The following RBM12B variants were observed in gnomAD, a reference collection of about 807,000 sequenced individuals.
RBM12B encodes RNA-binding protein 12B.
A neutral mutation model predicts 34.3 loss-of-function variants in RBM12B; 10 were observed. That is an observed-to-expected ratio of 0.29 (90% CI 0.18 to 0.49). The LOEUF is 0.49. Ranked by LOEUF, RBM12B falls within the 20% of genes least tolerant of loss-of-function variation. The pLI is 0.99. For missense variants in RBM12B, 1,139 were observed against 1,262.7 expected, an observed-to-expected ratio of 0.90 and a Z score of 1.48; for synonymous variants, 477 against 437.1, an observed-to-expected ratio of 1.09 and a Z score of -1.14.
chr8:93,736,352 C>T lies in RBM12B; in HGVS notation c.59G>A (p.Arg20His), dbSNP rs759514559. The T allele has an allele frequency of 2.5e-5, 41 of 1,612,660 alleles. No homozygotes were observed. The highest frequency in any genetic ancestry group is 3.5e-5 in the Non-Finnish European group (41 of 1,179,796). The change falls in exon 4 of 4, where the codon CGT becomes CAT. Residue 20 changes from arginine to histidine, a missense_variant. Transcript: ENST00000520560. ...AATAGTCAATCCCGTGAAGAAGTGA[C>T]GAATATCCACAGGCCCCGCAATAAA... ...LPFIAGPVDI[R>H]HFFTGLTIPD...
rs771379502 is a variant in RBM12B, at chr8:93,733,888, C to T, written c.2523G>A (p.Glu841=). 5.0e-6 allele frequency: 8 copies of T among 1,613,722 alleles called. No individual in the cohort carries two copies. In the South Asian group the frequency reaches 5.5e-5, roughly 11 times the overall value. ...QEEDFRCPSD[E]DFRQLPEEDL... ...CTTCCTCTGGGAGCTGCCTGAAGTCCTCATCAGAAGGGCATCTAAAATCTT... is the reference window on the plus strand; with the variant it reads ...CTTCCTCTGGGAGCTGCCTGAAGTCTTCATCAGAAGGGCATCTAAAATCTT... Residue 841 remains glutamate (E), a synonymous_variant, in exon 4 of 4, where the codon GAG becomes GAA. Transcript: ENST00000520560.
At chr8:93,740,825 T>C in intron 1 of RBM12B, 56 bp downstream of exon 1, 1 of 327,804 alleles carries the variant, frequency 3.1e-6, no homozygotes, top group Non-Finnish European at 5.9e-6. Context: ...CGCCCAGCCC[T>C]CCCCACCCCC....
At chr8:93,740,072 T>C (rs1812147465) in intron 2 of RBM12B, 2 of 341,944 alleles carry the variant, frequency 5.8e-6, no homozygotes, top group African/African-American at 4.3e-5. Context: ...CCCAAGGTCA[T>C]GATGTAGCAT....
In RBM12B at chr8:93,728,517, A is replaced by G. The variant is rs1811649542; in HGVS notation, c.*4888T>C. On this transcript the variant is annotated 3_prime_UTR_variant, in exon 4 of 4. Coordinates refer to ENST00000520560, the MANE Select transcript of RBM12B (RefSeq NM_001377960.1). ...CCTAGTGTTACATGATTTTTGTGTA[A>G]GTGCCTTTTTTTTTAAAGATGGTGT... 1 of 376,072 alleles carries G rather than the reference A, an allele frequency of 2.7e-6. No homozygotes were observed. The highest frequency in any genetic ancestry group is 4.8e-6 in the Non-Finnish European group (1 of 209,542). The allele number at this position is 376,072 out of a possible 1,614,324, so 23.3% of individuals were successfully genotyped here.
At chr8:93,738,540 C>G (rs945698555) in intron 2 of RBM12B, among the ~76,000 whole-genome samples, 12 of 152,212 alleles carry the variant, frequency 7.9e-5, no homozygotes, top group Non-Finnish European at 1.3e-4. Context: ...TGGCTCACTA[C>G]AGCCTCGACT....
Position 93,736,225 on chromosome 8 carries a change from C to A in RBM12B, c.186G>T (p.Gly62=), listed in dbSNP as rs763512432. 1.9e-6 allele frequency: 3 copies of A among 1,614,168 alleles called. No homozygotes were observed. Among genetic ancestry groups the A allele is most frequent in the Non-Finnish European group, 2.5e-6 (3 of 1,180,026 alleles). ...GCTCTACAGATGAATCCTTGATAAACCCTCCTGAACGACTTATGGCACGTC... is the reference window on the plus strand; with the variant it reads ...GCTCTACAGATGAATCCTTGATAAAACCTCCTGAACGACTTATGGCACGTC... ...DARRAISRSG[G]FIKDSSVELF... Residue 62 remains glycine (G), a synonymous_variant, in exon 4 of 4, where the codon GGG becomes GGT. Coordinates refer to ENST00000520560, the MANE Select transcript of RBM12B (RefSeq NM_001377960.1).
chr8:93,739,797 A>T (rs1386237479), intron 2 of RBM12B, among the ~76,000 whole-genome samples: 2 of 152,264 alleles, frequency 1.3e-5, no homozygotes, highest in Non-Finnish European at 2.9e-5. Flanking sequence ...CACTTAAGTC[A>T]GTGAAATTTA....
At position 93,734,011 on chromosome 8, in the gene RBM12B, C is replaced by G; in HGVS notation, c.2400G>C (p.Glu800Asp). The G allele has an allele frequency of 6.2e-7, 1 of 1,609,322 alleles. No homozygotes were observed. The highest frequency in any genetic ancestry group is 1.3e-5 in the African/African-American group (1 of 74,410). ...PPQEHFRRSR[E>D]EDFRHPPDED... Reference sequence around the variant, plus strand: ...CATCTGGTGGGTGCCTGAAATCTTCCTCTCGGGAGCGCCTGAAATGCTCCT... The same window carrying G: ...CATCTGGTGGGTGCCTGAAATCTTCGTCTCGGGAGCGCCTGAAATGCTCCT... The change falls in exon 4 of 4, where the codon GAG becomes GAC. Residue 800 changes from glutamate (E) to aspartate (D), a missense_variant. Coordinates refer to ENST00000520560, the MANE Select transcript of RBM12B (RefSeq NM_001377960.1).
chr8:93,729,142 A>G lies in RBM12B; in HGVS notation c.*4263T>C, dbSNP rs190501784. ...TTTTGGTAAGGAATACTTTTATTTC[A>G]TGGATCCCAGGCAGGCATATAAAAG... On this transcript the variant is annotated 3_prime_UTR_variant, in exon 4 of 4. Transcript: ENST00000520560. 8 of 152,250 alleles carry G rather than the reference A, an allele frequency of 5.3e-5. No individual in the cohort carries two copies. In the East Asian group the frequency reaches 1.5e-3, roughly 29 times the overall value. The allele number at this position is 152,250 out of a possible 1,614,324, so 9.4% of individuals were successfully genotyped here.
rs113452822 is a variant in RBM12B, at chr8:93,730,204, C to T, written c.*3201G>A. The T allele has an allele frequency of 0.013, 2,010 of 152,240 alleles. 12 individuals are homozygous for T. Among genetic ancestry groups the T allele is most frequent in the Non-Finnish European group, 0.019 (1,307 of 68,020 alleles). 9.4% of individuals were successfully genotyped at this position (152,240 alleles called of 1,614,324 possible). ...ATTATACATCATATAGTATCTAATACAGCTCAATAAACAACAGCTAATATT... is the reference window on the plus strand; with the variant it reads ...ATTATACATCATATAGTATCTAATATAGCTCAATAAACAACAGCTAATATT... On this transcript the variant is annotated 3_prime_UTR_variant, in exon 4 of 4. Transcript: ENST00000520560.
chr8:93,740,425 C>T (rs952817400), intron 2 of RBM12B: 3 of 457,262 alleles, frequency 6.6e-6, no homozygotes, highest in African/African-American at 2.0e-5. Flanking sequence ...CCAAAATCAG[C>T]CTTCAAATTA....
In RBM12B at chr8:93,734,278, A is replaced by G; in HGVS notation, c.2133T>C (p.Pro711=). The G allele has an allele frequency of 1.2e-6, 2 of 1,611,974 alleles. No homozygotes were observed. The highest frequency in any genetic ancestry group is 2.2e-5 in the East Asian group (1 of 44,746). Residue 711 remains proline (P), a synonymous_variant, in exon 4 of 4, where the codon CCT becomes CCC. Coordinates refer to ENST00000520560, the MANE Select transcript of RBM12B (RefSeq NM_001377960.1). ...RPPEEDFRHS[P]EEDFRQSPQE... ...GGGGTGACTGCCTGAAGTCCTCCTCAGGGGAATGCCTGAAATCCTCCTCTG... is the reference window on the plus strand; with the variant it reads ...GGGGTGACTGCCTGAAGTCCTCCTCGGGGGAATGCCTGAAATCCTCCTCTG...
chr8:93,733,318 T>TA lies in RBM12B; in HGVS notation c.*86_*87insT. 1.9e-6 allele frequency: 2 copies of TA among 1,078,904 alleles called. No individual in the cohort carries two copies. The highest frequency in any genetic ancestry group is 1.2e-6 in the Non-Finnish European group (1 of 803,628). The allele number at this position is 1,078,904 out of a possible 1,614,324, so 66.8% of individuals were successfully genotyped here. On this transcript the variant is annotated 3_prime_UTR_variant, in exon 4 of 4. Coordinates refer to ENST00000520560, the MANE Select transcript of RBM12B (RefSeq NM_001377960.1). ...AAAATAAAATATTTCATTAGATAAT[T>TA]TAAAAAAAAAACACTTTTTTAAAAC...
At position 93,729,676 on chromosome 8, in the gene RBM12B, C is replaced by G. The variant is rs1340386514; in HGVS notation, c.*3729G>C. 6.6e-6 allele frequency: 1 copy of G among 152,140 alleles called. No individual in the cohort carries two copies. The highest frequency in any genetic ancestry group is 1.5e-5 in the Non-Finnish European group (1 of 68,008). The allele number at this position is 152,140 out of a possible 1,614,324, so 9.4% of individuals were successfully genotyped here. ...ATTTAGACCAGCCTAGGTTGGCAAA[C>G]TTCTTAAAGGGCCAGATAGCAAATA... On this transcript the variant is annotated 3_prime_UTR_variant, in exon 4 of 4. Transcript: ENST00000520560.
chr8:93,734,121 T>TGAAGTGCTCTGGGGGTGGCCGCCG lies in RBM12B; in HGVS notation c.2266_2289dup (p.Pro776_Pro783dup), dbSNP rs756337272. ...CTGAAATGCTCTGGGGGTGGCCGCC[T>TGAAGTGCTCTGGGGGTGGCCGCCG]GAAGTGCTCTGGGGGTGGCCGCCGG... On this transcript the variant is annotated inframe_insertion, in exon 4 of 4. Transcript: ENST00000520560. The TGAAGTGCTCTGGGGGTGGCCGCCG allele has an allele frequency of 1.3e-6, 2 of 1,556,654 alleles. No homozygotes were observed. The highest frequency in any genetic ancestry group is 8.7e-7 in the Non-Finnish European group (1 of 1,153,536).
Position 93,735,734 on chromosome 8 carries a change from A to G in RBM12B, c.677T>C (p.Met226Thr). 1.9e-6 allele frequency: 3 copies of G among 1,614,132 alleles called. No individual in the cohort carries two copies. The highest frequency in any genetic ancestry group is 2.5e-6 in the Non-Finnish European group (3 of 1,180,030). ...AATCCACTGTTGTTCTGATCCTTGC[A>G]TTACTTCTATAAATCTTGAACCCAT... is the stretch of plus-strand genomic sequence containing the variant. ...SFMGSRFIEV[M>T]QGSEQQWIEF... Residue 226 changes from methionine (M) to threonine (T), a missense_variant, in exon 4 of 4, where the codon ATG (methionine) becomes ACG (threonine). Around this residue, in one of 3 missense-constraint regions of RBM12B, gnomAD observed 216 missense variants for 292.2 expected, o/e 0.74. Coordinates refer to ENST00000520560, the MANE Select transcript of RBM12B (RefSeq NM_001377960.1).
rs778395188 is a variant in RBM12B, at chr8:93,736,269, C to G, written c.142G>C (p.Ala48Pro). 43 of 1,614,070 alleles carry G rather than the reference C, an allele frequency of 2.7e-5. No individual in the cohort carries two copies. Among genetic ancestry groups the G allele is most frequent in the Non-Finnish European group, 3.6e-5 (42 of 1,179,982 alleles). ...GCACGTCTTGCATCTTCATCTGTTG[C>G]AAAAATAATAAAAGCCTCCCCAATT... ...GEIGEAFIIFATDEDARRAIS... is the reference protein window; with the variant it reads ...GEIGEAFIIFPTDEDARRAIS... Residue 48 changes from alanine to proline, a missense_variant, in exon 4 of 4, where the codon GCA (alanine) becomes CCA (proline). Ala to Pro is a conservative substitution (Grantham distance 27). This residue lies in a region of RBM12B where 216 missense variants were observed against 292.2 expected (regional missense o/e 0.74). Transcript: ENST00000520560.
chr8:93,733,343 CAA>C lies in RBM12B; in HGVS notation c.*60_*61del. 1 of 1,297,246 alleles carries C rather than the reference CAA, an allele frequency of 7.7e-7. No homozygotes were observed. Among genetic ancestry groups the C allele is most frequent in the Non-Finnish European group, 1.0e-6 (1 of 989,302 alleles). The allele number at this position is 1,297,246 out of a possible 1,614,324, so 80.4% of individuals were successfully genotyped here. On this transcript the variant is annotated 3_prime_UTR_variant, in exon 4 of 4. Coordinates refer to ENST00000520560, the MANE Select transcript of RBM12B (RefSeq NM_001377960.1). ...TTAAAAAAAAAACACTTTTTTAAAACAAATGTATTTTACTCCATCAATACTGC... is the reference window on the plus strand; with the variant it reads ...TTAAAAAAAAAACACTTTTTTAAAACATGTATTTTACTCCATCAATACTGC...
chr8:93,731,831 A>G lies in RBM12B; in HGVS notation c.*1574T>C, dbSNP rs946969443. The G allele has an allele frequency of 1.3e-5, 2 of 152,658 alleles. No homozygotes were observed. Among genetic ancestry groups the G allele is most frequent in the Non-Finnish European group, 2.9e-5 (2 of 68,048 alleles). 9.5% of individuals were successfully genotyped at this position (152,658 alleles called of 1,614,324 possible). A position where few individuals can be genotyped will look rare whatever the true frequency, so the allele number is the denominator to read the frequency against. On this transcript the variant is annotated 3_prime_UTR_variant, in exon 4 of 4. Transcript: ENST00000520560. The stretch of plus-strand genomic sequence containing the variant: ...AATAATTTTGAAATATAAGCCAGTA[A>G]TATACCATATGAGTATCCCAAGAGA...
Sources: gnomAD v4.1 joint callset for allele counts (sites outside exome capture counted in the v4.1 genomes callset) on GRCh38, gnomAD v4.1.1 for gene constraint, gnomAD v4.1.1 regional missense constraint, MANE v1.5 for transcripts, NCBI Gene and HGNC (gene_info 2026-07-23, HGNC 2026-07-21) for gene names.